YAF2: variants seen among roughly 807,000 people sequenced by gnomAD.
The protein encoded by YAF2 is YY1 associated factor 2, also known as YY1-associated factor 2.
A neutral mutation model predicts 20.1 loss-of-function variants in YAF2; 7 were observed. The observed-to-expected ratio is 0.35, with a 90% confidence interval of 0.20 to 0.65. The LOEUF (loss-of-function observed/expected upper bound fraction) is 0.65. Among genes scored for constraint, YAF2 ranks in the 30% least tolerant of loss-of-function variants. The probability of loss-of-function intolerance (pLI) is 0.69; values close to 1 mark genes in which losing one functional copy is unlikely to be tolerated. For missense variants in YAF2, 151 were observed against 219.2 expected (o/e 0.69, Z 1.96); for synonymous variants, 74 against 76.0 (o/e 0.97, Z 0.14).
chr12:42,186,642 A>T (rs563817332), intron 2 of YAF2, among the ~76,000 whole-genome samples: 2 of 152,008 alleles, frequency 1.3e-5, no homozygotes, highest in Non-Finnish European at 2.9e-5. Context: ...ATGCCATTGC[A>T]CTCTAGCATG....
intron 2 of YAF2, among the ~76,000 whole-genome samples, chr12:42,194,790 A>G (rs1009844132): frequency 1.3e-5 from 2 of 152,206 alleles, no homozygotes; most frequent in Non-Finnish European, 2.9e-5. Flanking sequence ...ATATCCCCTC[A>G]TGAAATATAC....
chr12:42,208,376 A>G (rs1011550879), intron 2 of YAF2, among the ~76,000 whole-genome samples: 1 of 152,096 alleles, frequency 6.6e-6, no homozygotes, highest in African/African-American at 2.4e-5. Flanking sequence ...CAGTGAACGG[A>G]TATCATGCCA....
chr12:42,210,803 T>C, intron 2 of YAF2: 2 of 832,470 alleles, frequency 2.4e-6, no homozygotes, highest in South Asian at 5.4e-5. Context: ...ATGGAAACAA[T>C]TTGCTAAATA....
intron 2 of YAF2, among the ~76,000 whole-genome samples, chr12:42,215,924 CAAAA>C (rs1179236897): frequency 5.9e-5 from 8 of 135,226 alleles, no homozygotes; most frequent in Non-Finnish European, 9.4e-5. Context: ...GATTCCAGCT[CAAAA>C]AATAAATAAA....
intron 2 of YAF2, among the ~76,000 whole-genome samples, chr12:42,169,554 C>A (rs1391072620): frequency 1.3e-5 from 2 of 151,976 alleles, no homozygotes; most frequent in Non-Finnish European, 2.9e-5. Context: ...GCTAGGACTA[C>A]AGGCATGCCC....
At chr12:42,164,438 AAAATCCCATGTGCTAAATATT>A (rs1466469914) in intron 2 of YAF2, among the ~76,000 whole-genome samples, 1 of 152,178 alleles carries the variant, frequency 6.6e-6, no homozygotes, top group Non-Finnish European at 1.5e-5. Flanking sequence ...CCCACTGACA[AAAATCCCATGTGCTAAATATT>A]AGAGGAATAA....
intron 2 of YAF2, chr12:42,232,581 G>C: frequency 1.0e-6 from 1 of 985,414 alleles, no homozygotes; most frequent in African/African-American, 1.7e-5. Flanking sequence ...TCCTCAGATA[G>C]ACAGGAGGCG....
chr12:42,215,564 G>C (rs1399495387), intron 2 of YAF2, among the ~76,000 whole-genome samples: 1 of 152,094 alleles, frequency 6.6e-6, no homozygotes, highest in Admixed American at 6.6e-5. Flanking sequence ...CAGAAAATAA[G>C]GGTTTCTTCA....
intron 2 of YAF2, among the ~76,000 whole-genome samples, chr12:42,194,965 C>T (rs2066712242): frequency 6.6e-6 from 1 of 152,146 alleles, no homozygotes; most frequent in Non-Finnish European, 1.5e-5. Flanking sequence ...ATACATCAAA[C>T]ATGTATACAT....
intron 2 of YAF2, chr12:42,210,928 C>T: frequency 4.0e-6 from 1 of 249,816 alleles, no homozygotes; most frequent in Non-Finnish European, 7.7e-6. Context: ...AAAATATCAG[C>T]CACCAGGCTA....
chr12:42,217,037 A>G (rs1341804714), intron 2 of YAF2, among the ~76,000 whole-genome samples: 1 of 152,206 alleles, frequency 6.6e-6, no homozygotes, highest in Non-Finnish European at 1.5e-5. Context: ...TGTTCAGGAC[A>G]TTACTGCCTC....
chr12:42,196,705 AC>A (rs1768055060), intron 2 of YAF2, among the ~76,000 whole-genome samples: 1 of 152,238 alleles, frequency 6.6e-6, no homozygotes, highest in African/African-American at 2.4e-5. Context: ...AAGTGTTGCT[AC>A]ATCTTTCTTT....
chr12:42,180,365 T>G lies in YAF2; in HGVS notation c.153-18600A>C, dbSNP rs568145301. Among the ~76,000 whole-genome samples the G allele has an allele frequency of 2.6e-5, 4 of 152,300 alleles. 1 individual carries two copies. Among genetic ancestry groups the G allele is most frequent in the African/African-American group, 7.2e-5 (3 of 41,580 alleles). ...CTCTGGTCAACAGGTCATCAGGAAC[T>G]AATGTCCTAGGTCCAACTGCCAGCA... On this transcript the variant is annotated intron_variant, in intron 2 of 3. Coordinates refer to ENST00000534854, the MANE Select transcript of YAF2 (RefSeq NM_005748.6).
rs1555166315 is a variant in YAF2 at position 42,230,289 on chromosome 12, G to GAAGAAAGAGAAGA, written c.152+7309_152+7310insTCTTCTCTTTCTT. ...AGAAAGAGAAGAAAGAGAAGAAAGA[G>GAAGAAAGAGAAGA]AAGAAAGAAAGAAAGAGAAAGAAAA... On this transcript the variant is annotated intron_variant, in intron 2 of 3. Coordinates refer to ENST00000534854, the MANE Select transcript of YAF2 (RefSeq NM_005748.6). 8.2e-3 allele frequency among the ~76,000 whole-genome samples: 1,240 copies of GAAGAAAGAGAAGA among 150,494 alleles called. 16 individuals are homozygous for GAAGAAAGAGAAGA. The highest frequency in any genetic ancestry group is 0.029 in the African/African-American group (1,189 of 40,798).
chr12:42,187,172 T>G (rs1258231955), intron 2 of YAF2, among the ~76,000 whole-genome samples: 1 of 152,132 alleles, frequency 6.6e-6, no homozygotes, highest in Non-Finnish European at 1.5e-5. Flanking sequence ...ACTGATTGAC[T>G]GACCAACAGC....
chr12:42,194,402 G>A (rs956795333), intron 2 of YAF2, among the ~76,000 whole-genome samples: 4 of 152,108 alleles, frequency 2.6e-5, no homozygotes, highest in African/African-American at 7.2e-5. Flanking sequence ...CTAACAGTTC[G>A]GGAGGCTGAG....
intron 2 of YAF2, among the ~76,000 whole-genome samples, chr12:42,211,428 A>C (rs1228374037): frequency 5.5e-5 from 2 of 36,252 alleles, no homozygotes; most frequent in African/African-American, 3.2e-4. Context: ...CTCTGTCTCC[A>C]AAAAAAAAAA....
intron 2 of YAF2, among the ~76,000 whole-genome samples, chr12:42,187,807 T>C (rs1025542130): frequency 6.6e-6 from 1 of 152,222 alleles, no homozygotes; most frequent in African/African-American, 2.4e-5. Flanking sequence ...TATGGCTGAC[T>C]TGTATAACCA....
At chr12:42,228,214 G>C (rs113885485) in intron 2 of YAF2, among the ~76,000 whole-genome samples, 1 of 82,178 alleles carries the variant, frequency 1.2e-5, no homozygotes, top group Non-Finnish European at 2.4e-5. Flanking sequence ...TCGGCCCCCC[G>C]CCCGGCCAGC....
Sources: gnomAD v4.1 joint callset for allele counts (sites outside exome capture counted in the v4.1 genomes callset) on GRCh38, gnomAD v4.1.1 for gene constraint, MANE v1.5 for transcripts, NCBI Gene and HGNC (gene_info 2026-07-23, HGNC 2026-07-21) for gene names.